The following EPHA6 variants were observed in gnomAD, a reference collection of about 807,000 sequenced individuals.
The protein encoded by EPHA6 is ephrin type-A receptor 6.
EPHA6 carries 50 observed loss-of-function variants against 112.0 expected under a neutral mutation model. The observed-to-expected ratio is 0.45, with a 90% CI of 0.36 to 0.56. The LOEUF is 0.56. Among genes scored for constraint, EPHA6 ranks in the 20% least tolerant of loss-of-function variants. The pLI is 0.00. For synonymous variants in EPHA6, 529 were observed against 490.7 expected (o/e 1.08, Z -1.03); for missense variants, 1,280 against 1,417.4 (o/e 0.90, Z 1.56).
chr3:97,460,992 G>A (rs577880899), intron 7 of EPHA6, among the ~76,000 whole-genome samples: 48 of 152,228 alleles, frequency 3.2e-4, no homozygotes, highest in Admixed American at 2.0e-3. Context: ...AAGGAGGATA[G>A]GGAGTATCTG....
intron 3 of EPHA6, among the ~76,000 whole-genome samples, chr3:97,026,643 C>T (rs75070112): frequency 2.0e-5 from 3 of 152,078 alleles, no homozygotes; most frequent in African/African-American, 7.2e-5. Flanking sequence ...CATGAATAGA[C>T]ACTTTTCAAA....
intron 3 of EPHA6, among the ~76,000 whole-genome samples, chr3:97,028,531 C>CCTTTCT (rs2044718468): frequency 6.6e-6 from 1 of 151,936 alleles, no homozygotes; most frequent in Admixed American, 6.6e-5. Context: ...TGTGGAATAT[C>CCTTTCT]CTTTCTCTTT....
intron 3 of EPHA6, among the ~76,000 whole-genome samples, chr3:97,020,237 A>G (rs2044407405): frequency 6.6e-6 from 1 of 152,200 alleles, no homozygotes; most frequent in East Asian, 1.9e-4. Flanking sequence ...TGCCATGTGC[A>G]GGCTAGTTCA....
intron 15 of EPHA6, among the ~76,000 whole-genome samples, chr3:97,721,674 A>AC (rs1458134575): frequency 1.1e-4 from 16 of 152,058 alleles, no homozygotes; most frequent in Non-Finnish European, 1.8e-4. Flanking sequence ...CCTTTGCTCC[A>AC]CCCCCGCAAC....
At chr3:97,165,144 T>A (rs1019575555) in intron 3 of EPHA6, among the ~76,000 whole-genome samples, 1 of 152,148 alleles carries the variant, frequency 6.6e-6, no homozygotes, top group Non-Finnish European at 1.5e-5. Flanking sequence ...GTTTCTGTTT[T>A]TGCATTTGCA....
In EPHA6 at chr3:96,931,017, A is replaced by AG. The variant is rs1458814522; in HGVS notation, c.451-56313_451-56312insG. 2.6e-3 allele frequency among the ~76,000 whole-genome samples: 381 copies of AG among 149,180 alleles called. 35 individuals are homozygous for AG. The highest frequency in any genetic ancestry group is 4.3e-3 in the Non-Finnish European group (288 of 67,368). ...CAAAAAAAAAAAAAAAAAAAAAAAAAAAAAGAAAAGCTTTCTGGCTGCTTT... is the reference window on the plus strand; with the variant it reads ...CAAAAAAAAAAAAAAAAAAAAAAAAAGAAAAGAAAAGCTTTCTGGCTGCTTT... On this transcript the variant is annotated intron_variant, in intron 2 of 17. Coordinates refer to ENST00000389672, the MANE Select transcript of EPHA6 (RefSeq NM_001080448.3).
At chr3:96,994,293 A>G in intron 3 of EPHA6, 1 of 316,880 alleles carries the variant, frequency 3.2e-6, no homozygotes, top group South Asian at 4.1e-5. Context: ...CATAACTTTT[A>G]ATTTTATTTC....
intron 2 of EPHA6, among the ~76,000 whole-genome samples, chr3:96,917,881 G>T (rs1356567993): frequency 6.6e-6 from 1 of 152,106 alleles, no homozygotes; most frequent in African/African-American, 2.4e-5. Context: ...AAGGATAATA[G>T]AAGCTCCATA....
At chr3:97,009,849 C>A (rs927856624) in intron 3 of EPHA6, among the ~76,000 whole-genome samples, 2 of 152,194 alleles carry the variant, frequency 1.3e-5, no homozygotes, top group African/African-American at 2.4e-5. Flanking sequence ...ACTCCCCTTC[C>A]CTTGTGGCTC....
chr3:97,449,275 T>A lies in EPHA6; in HGVS notation c.1894+545T>A, dbSNP rs191134912. 1.9e-3 allele frequency among the ~76,000 whole-genome samples: 290 copies of A among 152,222 alleles called. 3 individuals carry two copies. Among genetic ancestry groups the A allele is most frequent in the African/African-American group, 6.8e-3 (282 of 41,558 alleles). On this transcript the variant is annotated intron_variant, in intron 7 of 17. Coordinates refer to ENST00000389672, the MANE Select transcript of EPHA6 (RefSeq NM_001080448.3). ...TGAGATATTCCAATGTCATGTAACATCAGCTTTGAGGTCTTTTATTCATTC... is the reference window on the plus strand; with the variant it reads ...TGAGATATTCCAATGTCATGTAACAACAGCTTTGAGGTCTTTTATTCATTC...
At chr3:97,611,925 G>A (rs1221914130) in intron 13 of EPHA6, among the ~76,000 whole-genome samples, 2 of 151,782 alleles carry the variant, frequency 1.3e-5, no homozygotes, top group Non-Finnish European at 2.9e-5. Flanking sequence ...CTGAATGCTA[G>A]CAGTGATGAT....
chr3:97,696,593 T>C (rs913128522), intron 14 of EPHA6, among the ~76,000 whole-genome samples: 9 of 152,120 alleles, frequency 5.9e-5, no homozygotes, highest in African/African-American at 1.9e-4. Flanking sequence ...CCCCACCTCA[T>C]AAGAACCATA....
rs1577413132 is a variant in EPHA6, at chr3:97,438,651, A to T, written c.1732-9917A>T. On this transcript the variant is annotated intron_variant, in intron 6 of 17. Transcript: ENST00000389672. ...TATAAAGGTTAAAAAGCAAGTAAAC[A>T]CAACATTTTTTAAGACTTGTCACAG... 6.6e-5 allele frequency among the ~76,000 whole-genome samples: 10 copies of T among 152,306 alleles called. No homozygotes were observed. The South Asian group carries it at 2.1e-3, about 32-fold the overall frequency.
chr3:97,045,427 A>G (rs1000665725), intron 3 of EPHA6, among the ~76,000 whole-genome samples: 1 of 151,990 alleles, frequency 6.6e-6, no homozygotes, highest in Non-Finnish European at 1.5e-5. Flanking sequence ...CACTTATCTG[A>G]CATAGTCTTT....
In EPHA6 at chr3:97,743,161, T is replaced by C. The variant is rs558155395; in HGVS notation, c.3129-4262T>C. Among the ~76,000 whole-genome samples the C allele has an allele frequency of 2.0e-5, 3 of 152,252 alleles. No homozygotes were observed. In the South Asian group the frequency reaches 6.2e-4, roughly 32 times the overall value. ...ATTATTTAATAAGTTGACCACTATA[T>C]CAACAGGTACTTACTCTTCTAGGTT... On this transcript the variant is annotated intron_variant, in intron 16 of 17. Coordinates refer to ENST00000389672, the MANE Select transcript of EPHA6 (RefSeq NM_001080448.3).
At chr3:96,917,200 C>G (rs996556847) in intron 2 of EPHA6, among the ~76,000 whole-genome samples, 2 of 151,860 alleles carry the variant, frequency 1.3e-5, no homozygotes, top group Non-Finnish European at 2.9e-5. Flanking sequence ...GCAGATGGAT[C>G]AACTGAGGTT....
chr3:96,965,101 C>G (rs952178201), intron 2 of EPHA6, among the ~76,000 whole-genome samples: 2 of 152,128 alleles, frequency 1.3e-5, no homozygotes, highest in Non-Finnish European at 2.9e-5. Flanking sequence ...TATTTGAACA[C>G]AGTTTGAACA....
chr3:97,554,631 A>G (rs2093076851), intron 11 of EPHA6, among the ~76,000 whole-genome samples: 1 of 151,998 alleles, frequency 6.6e-6, no homozygotes. Context: ...CTTCAAACTC[A>G]TAGTCCAACA....
rs7614900 is a variant in EPHA6 at position 97,638,108 on chromosome 3, A to G, written c.2784+26A>G. ...GTAAGTTTATATGCCCTTTCCTAAT[A>G]TAGTCTGTTTACTTTTATTGTTTTT... On this transcript the variant is annotated intron_variant, in intron 14 of 17. Transcript: ENST00000389672. 5.6e-3 allele frequency: 8,635 copies of G among 1,534,200 alleles called. 397 individuals are homozygous for G. In the African/African-American group the frequency reaches 0.1, roughly 18 times the overall value.
Sources: allele counts gnomAD v4.1 joint callset (sites outside exome capture counted in the v4.1 genomes callset), GRCh38; gene constraint gnomAD v4.1.1; transcripts MANE v1.5; gene names NCBI Gene and HGNC (gene_info 2026-07-23, HGNC 2026-07-21).